Variants in ANO10 observed in about 807,000 individuals in gnomAD.
ANO10 encodes anoctamin-10.
In ANO10, 77 loss-of-function variants were observed where a neutral mutation model predicts 74.7. The observed-to-expected ratio is 1.03, with a 90% CI of 0.86 to 1.25. The LOEUF is 1.25. Ranked by LOEUF, ANO10 falls within the 50% of genes most tolerant of loss-of-function variation. The pLI, the probability that ANO10 is intolerant of heterozygous loss-of-function variation, is 0.00. For synonymous variants in ANO10, 279 were observed against 284.9 expected (o/e 0.98, Z 0.21); for missense variants, 721 against 778.1 (o/e 0.93, Z 0.87).
intron 11 of ANO10, among the ~76,000 whole-genome samples, chr3:43,496,979 T>G (rs1420453516): frequency 3.9e-5 from 6 of 152,216 alleles, no homozygotes; most frequent in Admixed American, 3.9e-4. Context: ...ATTCATATAC[T>G]GCATCCTTAA....
intron 12 of ANO10, among the ~76,000 whole-genome samples, chr3:43,393,456 C>G (rs2092316665): frequency 6.6e-6 from 1 of 152,206 alleles, no homozygotes; most frequent in South Asian, 2.1e-4. Flanking sequence ...TCTCTGGCCA[C>G]ATCCCCAATC....
intron 1 of ANO10, among the ~76,000 whole-genome samples, chr3:43,678,656 G>A (rs562935034): frequency 6.6e-6 from 1 of 152,136 alleles, no homozygotes; most frequent in Non-Finnish European, 1.5e-5. Flanking sequence ...CTCACTTGGG[G>A]AGCTCGGCTC....
intron 12 of ANO10, among the ~76,000 whole-genome samples, chr3:43,386,058 G>A (rs1015574959): frequency 1.4e-4 from 21 of 152,186 alleles, no homozygotes; most frequent in African/African-American, 5.1e-4. Context: ...GCTTGCCATG[G>A]ACAAGGGGGG....
At chr3:43,499,823 C>T (rs796268410) in intron 11 of ANO10, among the ~76,000 whole-genome samples, 2 of 151,450 alleles carry the variant, frequency 1.3e-5, no homozygotes, top group African/African-American at 4.8e-5. Flanking sequence ...TGTTAATGTA[C>T]TACTAGATTT....
chr3:43,370,161 C>T lies in ANO10; in HGVS notation c.1915-3187G>A, dbSNP rs145337972. Among the ~76,000 whole-genome samples, 10 of 152,324 alleles carry T rather than the reference C, an allele frequency of 6.6e-5. No homozygotes were observed. The East Asian group carries it at 1.9e-3, about 29-fold the overall frequency. ...CTGGCCCAAGAGCACTTCCCACACC[C>T]TCCCCGATGGGGAAGTGGTGAGCAC... On this transcript the variant is annotated intron_variant, in intron 12 of 12. Transcript: ENST00000292246.
chr3:43,554,981 T>A (rs1307887288), intron 10 of ANO10, among the ~76,000 whole-genome samples: 3 of 152,202 alleles, frequency 2.0e-5, no homozygotes, highest in Non-Finnish European at 4.4e-5. Flanking sequence ...GTCTCATTAA[T>A]ACTGGCTGAG....
chr3:43,540,819 C>A (rs1055279711), intron 11 of ANO10, among the ~76,000 whole-genome samples: 1 of 152,202 alleles, frequency 6.6e-6, no homozygotes, highest in Non-Finnish European at 1.5e-5. Flanking sequence ...AAATGTATCT[C>A]TTGCATAATT....
intron 1 of ANO10, among the ~76,000 whole-genome samples, chr3:43,615,847 G>A (rs1369311917): frequency 6.6e-6 from 1 of 151,898 alleles, no homozygotes; most frequent in African/African-American, 2.4e-5. Flanking sequence ...TAGAGACAGG[G>A]TTTCACCGTG....
At chr3:43,589,868 C>A (rs1166243293) in intron 4 of ANO10, among the ~76,000 whole-genome samples, 1 of 152,022 alleles carries the variant, frequency 6.6e-6, no homozygotes, top group Non-Finnish European at 1.5e-5. Context: ...CAATAATGAT[C>A]AAAATATATT....
intron 1 of ANO10, among the ~76,000 whole-genome samples, chr3:43,645,992 A>T (rs562354330): frequency 6.6e-6 from 1 of 152,050 alleles, no homozygotes; most frequent in African/African-American, 2.4e-5. Context: ...TATTTTTGGT[A>T]AAAAGGGGTT....
chr3:43,681,174 C>A (rs1363438500), intron 1 of ANO10, among the ~76,000 whole-genome samples: 5 of 151,912 alleles, frequency 3.3e-5, no homozygotes, highest in Non-Finnish European at 7.4e-5. Flanking sequence ...GTATTATATT[C>A]GGGAAACCCA....
At chr3:43,638,491 G>A (rs62253028) in intron 1 of ANO10, among the ~76,000 whole-genome samples, 5,317 of 152,256 alleles carry the variant, frequency 0.035, 148 homozygotes, top group Middle Eastern at 0.061. Flanking sequence ...TGCTCAATGG[G>A]ATATAGATGG....
At chr3:43,524,547 T>C (rs924161617) in intron 11 of ANO10, among the ~76,000 whole-genome samples, 6 of 152,140 alleles carry the variant, frequency 3.9e-5, no homozygotes, top group African/African-American at 1.4e-4. Flanking sequence ...GCAATGATTA[T>C]GTGTTGCACA....
intron 11 of ANO10, among the ~76,000 whole-genome samples, chr3:43,433,578 T>A (rs2093024044): frequency 6.6e-6 from 1 of 152,214 alleles, no homozygotes; most frequent in Admixed American, 6.5e-5. Flanking sequence ...ACTCCATATA[T>A]GGTAAGTACA....
At chr3:43,589,239 CATT>C (rs1033440531) in intron 4 of ANO10, among the ~76,000 whole-genome samples, 71 of 152,122 alleles carry the variant, frequency 4.7e-4, no homozygotes, top group Non-Finnish European at 9.6e-4. Flanking sequence ...TCACAGATGT[CATT>C]AATATAATGA....
chr3:43,581,248 T>C (rs1273739819), intron 4 of ANO10, among the ~76,000 whole-genome samples: 1 of 152,216 alleles, frequency 6.6e-6, no homozygotes, highest in East Asian at 1.9e-4. Flanking sequence ...TTCAATCCTT[T>C]TCATCTCTTC....
chr3:43,557,629 G>A (rs192464748), intron 9 of ANO10, among the ~76,000 whole-genome samples: 46 of 151,686 alleles, frequency 3.0e-4, no homozygotes, highest in Non-Finnish European at 5.2e-4. Context: ...CAGCTATTTG[G>A]GAGGCTGAGG....
At chr3:43,380,382 C>G (rs1449960721) in intron 12 of ANO10, among the ~76,000 whole-genome samples, 1 of 152,182 alleles carries the variant, frequency 6.6e-6, no homozygotes, top group Non-Finnish European at 1.5e-5. Flanking sequence ...ACATAGTCAT[C>G]AGGCTATCTA....
At chr3:43,408,407 A>T (rs897186714) in intron 12 of ANO10, among the ~76,000 whole-genome samples, 4 of 152,234 alleles carry the variant, frequency 2.6e-5, no homozygotes, top group African/African-American at 9.6e-5. Flanking sequence ...ATAAGGACAT[A>T]AGGGAAACCA....
Sources: allele counts gnomAD v4.1 joint callset (sites outside exome capture counted in the v4.1 genomes callset), GRCh38; gene constraint gnomAD v4.1.1; transcripts MANE v1.5; gene names NCBI Gene and HGNC (gene_info 2026-07-23, HGNC 2026-07-21).